Variants in KIF1A observed in about 807,000 individuals in gnomAD.
KIF1A encodes kinesin family member 1A, also known as kinesin-like protein KIF1A.
Under a neutral mutation model 227.3 loss-of-function variants are expected in KIF1A, and 46 were observed. The ratio of observed to expected loss-of-function variants is 0.20; its 90% CI spans 0.16 to 0.26. KIF1A has a LOEUF of 0.26. Among genes scored for constraint, KIF1A ranks in the 10% least tolerant of loss-of-function variants. The pLI, the probability that KIF1A is intolerant of heterozygous loss-of-function variation, is 1.00. For missense variants in KIF1A, 1,683 were observed against 2,485.9 expected (o/e 0.68, Z 6.87); for synonymous variants, 1,022 against 1,012.8 (o/e 1.01, Z -0.17).
intron 1 of KIF1A, among the ~76,000 whole-genome samples, chr2:240,819,407 G>A (rs888435584): frequency 1.3e-5 from 2 of 152,174 alleles, no homozygotes; most frequent in Non-Finnish European, 2.9e-5. Flanking sequence ...CCCCTCCCAG[G>A]TGCTGGGTCT....
intron 38 of KIF1A, among the ~76,000 whole-genome samples, chr2:240,733,038 T>TG (rs1478421142): frequency 3.1e-5 from 1 of 32,656 alleles, no homozygotes; most frequent in African/African-American, 1.3e-4. Context: ...TGAGGGGGAA[T>TG]GAGGGGGGGA....
intron 38 of KIF1A, chr2:240,728,534 C>G: frequency 1.8e-6 from 1 of 564,924 alleles, no homozygotes. Context: ...CACGCCGGAT[C>G]TCACGGCCCC....
At position 240,746,046 on chromosome 2, in the gene KIF1A, G is replaced by T. The variant is rs970866128; in HGVS notation, c.3195C>A (p.Thr1065=). ...GPSADEVNNN[T]CSAVPPEGLL... ...CTGGGGTGGGCGACCCACCTGAACA[G>T]GTGTTGTTGTTGACTTCATCGGCTG... Residue 1065 remains threonine (T), a synonymous_variant, in exon 30 of 49, where the codon ACC becomes ACA. Transcript: ENST00000498729. 4.4e-6 allele frequency: 7 copies of T among 1,607,860 alleles called. No individual in the cohort carries two copies. Among genetic ancestry groups the T allele is most frequent in the Non-Finnish European group, 5.9e-6 (7 of 1,177,620 alleles).
chr2:240,754,377 C>A (rs1302952964), intron 27 of KIF1A, among the ~76,000 whole-genome samples: 1 of 152,176 alleles, frequency 6.6e-6, no homozygotes, highest in African/African-American at 2.4e-5. Flanking sequence ...CACTGCCCGT[C>A]CCAGTCTGCC....
chr2:240,751,640 T>C (rs1175410256), intron 27 of KIF1A, among the ~76,000 whole-genome samples: 1 of 152,092 alleles, frequency 6.6e-6, no homozygotes, highest in East Asian at 1.9e-4. Flanking sequence ...CACCCTGCCA[T>C]GGCCCCCACA....
intron 1 of KIF1A, among the ~76,000 whole-genome samples, chr2:240,809,404 CA>C (rs1313087851): frequency 6.6e-6 from 1 of 152,126 alleles, no homozygotes; most frequent in East Asian, 1.9e-4. Context: ...ATCACGAGTG[CA>C]ACAGAAGGGA....
intron 5 of KIF1A, among the ~76,000 whole-genome samples, chr2:240,787,032 G>A (rs937985372): frequency 1.3e-5 from 2 of 152,196 alleles, no homozygotes; most frequent in Non-Finnish European, 2.9e-5. Context: ...AGCAGCTGCT[G>A]GAGAAGCACC....
intron 27 of KIF1A, among the ~76,000 whole-genome samples, chr2:240,751,596 A>G (rs889146794): frequency 6.6e-6 from 1 of 152,138 alleles, no homozygotes; most frequent in African/African-American, 2.4e-5. Context: ...AAAGTCTTCA[A>G]GAAGCCCCCC....
intron 47 of KIF1A, among the ~76,000 whole-genome samples, chr2:240,718,801 C>T (rs539370801): frequency 9.2e-5 from 14 of 152,344 alleles, no homozygotes; most frequent in Admixed American, 6.5e-4. Flanking sequence ...CAGGAATATG[C>T]GCCTCATGGG....
chr2:240,749,018 C>T (rs778039844), intron 28 of KIF1A, among the ~76,000 whole-genome samples: 10 of 151,974 alleles, frequency 6.6e-5, no homozygotes, highest in African/African-American at 9.7e-5. Context: ...CTACTCTACT[C>T]GGCAGGCTGA....
In KIF1A at chr2:240,788,041, C is replaced by CCCCGCCGG; in HGVS notation, c.363+9_363+10insCCGGCGGG. The stretch of plus-strand genomic sequence containing the variant: ...GCCAGGGCTGCCCCCGCCCGCCCCC[C>CCCCGCCGG]GCTTCGTGCCTGTGGGATGATGCCC... On this transcript the variant is annotated intron_variant, in intron 4 of 48. Coordinates refer to ENST00000498729, the MANE Select transcript of KIF1A (RefSeq NM_001244008.2). This position sits in a 1 kb window ranked among gnomAD's most constrained non-coding sequence, Gnocchi z 6.6. The CCCCGCCGG allele has an allele frequency of 2.0e-6, 3 of 1,520,682 alleles. No individual in the cohort carries two copies. Among genetic ancestry groups the CCCCGCCGG allele is most frequent in the Non-Finnish European group, 2.7e-6 (3 of 1,121,314 alleles). The allele number at this position is 1,520,682 out of a possible 1,614,324, so 94.2% of individuals were successfully genotyped here.
intron 27 of KIF1A, among the ~76,000 whole-genome samples, chr2:240,756,161 G>C (rs1419354310): frequency 2.6e-5 from 4 of 152,132 alleles, no homozygotes; most frequent in Non-Finnish European, 5.9e-5. Context: ...TGTAAACCCT[G>C]CGATCTGGGG....
chr2:240,794,615 G>A (rs926197435), intron 2 of KIF1A, among the ~76,000 whole-genome samples: 28 of 152,334 alleles, frequency 1.8e-4, no homozygotes, highest in African/African-American at 5.5e-4. Context: ...CGGTTGCCCC[G>A]GGCTTGGTAA....
At chr2:240,813,136 C>A (rs1015035254) in intron 1 of KIF1A, among the ~76,000 whole-genome samples, 2 of 152,382 alleles carry the variant, frequency 1.3e-5, no homozygotes, top group African/African-American at 4.8e-5. Context: ...AAACACTGAT[C>A]CTTCTTGAAG....
At chr2:240,734,706 TCA>T in intron 38 of KIF1A, 1 of 1,303,620 alleles carries the variant, frequency 7.7e-7, no homozygotes, top group Non-Finnish European at 1.0e-6. Flanking sequence ...AAACCAAGGG[TCA>T]CAGATGATAC....
At chr2:240,754,979 T>A (rs936122973) in intron 27 of KIF1A, among the ~76,000 whole-genome samples, 2 of 152,064 alleles carry the variant, frequency 1.3e-5, no homozygotes, top group East Asian at 3.9e-4. Context: ...CCTGCTCCCC[T>A]CCCAGGGACC....
At chr2:240,763,442 G>A in intron 20 of KIF1A, 96 bp from the exon 21 acceptor site, 2 of 1,197,332 alleles carry the variant, frequency 1.7e-6, no homozygotes, top group South Asian at 1.5e-5. Context: ...GGGAACGGGT[G>A]CAGGCACCCC....
At chr2:240,786,726 G>A (rs28472798) in intron 5 of KIF1A, among the ~76,000 whole-genome samples, 5 of 143,476 alleles carry the variant, frequency 3.5e-5, no homozygotes, top group African/African-American at 1.2e-4. Context: ...GAGTGAGGGG[G>A]TGGGGGCTGC....
At chr2:240,761,608 G>C (rs906511140) in intron 23 of KIF1A, among the ~76,000 whole-genome samples, 18 of 152,288 alleles carry the variant, frequency 1.2e-4, no homozygotes, top group African/African-American at 3.9e-4. Flanking sequence ...CTCTCCCCAG[G>C]CTTCCTCTCA....
Sources: gnomAD v4.1 joint callset for allele counts (sites outside exome capture counted in the v4.1 genomes callset) on GRCh38, gnomAD v4.1.1 for gene constraint, Gnocchi (gnomAD v3.1) non-coding constraint, MANE v1.5 for transcripts, NCBI Gene and HGNC (gene_info 2026-07-23, HGNC 2026-07-21) for gene names.